Variants in GDA observed in about 807,000 individuals in gnomAD.
GDA encodes the protein cytoplasmic PSD-95 interactor.
Under a neutral mutation model 59.6 loss-of-function variants are expected in GDA, and 18 were observed. The observed-to-expected ratio is 0.30, with a 90% CI of 0.21 to 0.45. The LOEUF is 0.45. GDA is among the 20% of genes least tolerant of loss of function. The pLI, the probability that GDA is intolerant of heterozygous loss-of-function variation, is 1.00. For synonymous variants in GDA, 201 were observed against 201.1 expected (o/e 1.00, Z 0.00); for missense variants, 427 against 552.3 (o/e 0.77, Z 2.27).
intron 1 of GDA, among the ~76,000 whole-genome samples, chr9:72,123,668 G>A (rs1825755022): frequency 6.6e-6 from 1 of 151,552 alleles, no homozygotes; most frequent in African/African-American, 2.4e-5. Context: ...TGTATTTTTA[G>A]TAGAGACAGG....
intron 1 of GDA, among the ~76,000 whole-genome samples, chr9:72,133,306 A>AT (rs1297723689): frequency 1.3e-3 from 189 of 140,546 alleles, no homozygotes; most frequent in Middle Eastern, 3.6e-3. Flanking sequence ...AAAAAAAAAA[A>AT]AAAATAATAA....
At chr9:72,244,625 G>A (rs1267826254) in intron 11 of GDA, among the ~76,000 whole-genome samples, 1 of 152,030 alleles carries the variant, frequency 6.6e-6, no homozygotes, top group Non-Finnish European at 1.5e-5. Flanking sequence ...AATTTCTGAT[G>A]GATATGCCTG....
At chr9:72,188,986 C>G (rs2131179289) in intron 1 of GDA, among the ~76,000 whole-genome samples, 1 of 152,178 alleles carries the variant, frequency 6.6e-6, no homozygotes, top group Non-Finnish European at 1.5e-5. Flanking sequence ...GTCTGTTACT[C>G]TTCTCTTTTT....
chr9:72,224,072 T>A (rs147762944), intron 7 of GDA, among the ~76,000 whole-genome samples: 1 of 152,378 alleles, frequency 6.6e-6, no homozygotes, highest in African/African-American at 2.4e-5. Context: ...CACATTTCTC[T>A]GCTGGAGATA....
At chr9:72,215,566 A>C (rs1836002737) in intron 5 of GDA, among the ~76,000 whole-genome samples, 1 of 152,168 alleles carries the variant, frequency 6.6e-6, no homozygotes, top group African/African-American at 2.4e-5. Context: ...ATGCAGGCAT[A>C]CAGGAGGGAA....
Position 72,250,848 on chromosome 9 carries a change from A to T in GDA, c.*2506A>T, listed in dbSNP as rs1564220014. 1 of 1,607,388 alleles carries T rather than the reference A, an allele frequency of 6.2e-7. No individual in the cohort carries two copies. Among genetic ancestry groups the T allele is most frequent in the African/African-American group, 1.3e-5 (1 of 74,872 alleles). On this transcript the variant is annotated 3_prime_UTR_variant, in exon 14 of 14. Transcript: ENST00000358399. ...ACGGAATACACTTTGAAAGGTAAAA[A>T]CAATTCAAAAGTATCGATTATCATA... is the stretch of plus-strand genomic sequence containing the variant.
chr9:72,159,904 C>T (rs887873076), intron 1 of GDA, among the ~76,000 whole-genome samples: 1 of 152,022 alleles, frequency 6.6e-6, no homozygotes, highest in Non-Finnish European at 1.5e-5. Context: ...GTAAAAAATG[C>T]ATAACTTAAA....
At chr9:72,155,872 T>C (rs1827826879) in intron 1 of GDA, among the ~76,000 whole-genome samples, 1 of 152,226 alleles carries the variant, frequency 6.6e-6, no homozygotes, top group Non-Finnish European at 1.5e-5. Flanking sequence ...TTCCTTACCA[T>C]TTGTATCTCC....
At chr9:72,195,406 A>T (rs1263457719) in intron 1 of GDA, 94 bp from the exon 2 acceptor site, 3 of 357,152 alleles carry the variant, frequency 8.4e-6, no homozygotes, top group Non-Finnish European at 1.5e-5. Flanking sequence ...ACTCAGCTAT[A>T]GTCTCTTTTA....
At chr9:72,171,006 T>G (rs907972626) in intron 1 of GDA, among the ~76,000 whole-genome samples, 4 of 152,044 alleles carry the variant, frequency 2.6e-5, no homozygotes, top group African/African-American at 9.7e-5. Flanking sequence ...TTTTAGTGAC[T>G]GGGTTTTGCC....
chr9:72,124,528 T>C (rs1010937210), intron 1 of GDA, among the ~76,000 whole-genome samples: 6 of 152,130 alleles, frequency 3.9e-5, no homozygotes, highest in Non-Finnish European at 8.8e-5. Flanking sequence ...ACCAATAATA[T>C]GTAGAAAAAA....
chr9:72,178,415 T>A (rs961907085), intron 1 of GDA, among the ~76,000 whole-genome samples: 5 of 121,814 alleles, frequency 4.1e-5, no homozygotes, highest in South Asian at 2.9e-4. Flanking sequence ...GAATCGATAT[T>A]TTTTTTTTTT....
intron 1 of GDA, among the ~76,000 whole-genome samples, chr9:72,133,287 T>TAAAAAA (rs1257876460): frequency 5.2e-5 from 5 of 95,512 alleles, no homozygotes; most frequent in Non-Finnish European, 8.0e-5. Flanking sequence ...AGACTCTGTC[T>TAAAAAA]AAAAAAAAAA....
intron 10 of GDA, among the ~76,000 whole-genome samples, chr9:72,239,568 A>G (rs1839385346): frequency 6.6e-6 from 1 of 152,100 alleles, no homozygotes; most frequent in South Asian, 2.1e-4. Context: ...GTCTTTACAT[A>G]TTTTATACCA....
chr9:72,197,033 A>G (rs924782062), intron 2 of GDA, among the ~76,000 whole-genome samples: 1 of 152,238 alleles, frequency 6.6e-6, no homozygotes, highest in African/African-American at 2.4e-5. Context: ...TAACTTGGGA[A>G]TTGACTTTCA....
intron 1 of GDA, among the ~76,000 whole-genome samples, chr9:72,171,326 T>C (rs539442071): frequency 6.6e-6 from 1 of 152,354 alleles, no homozygotes; most frequent in Admixed American, 6.5e-5. Context: ...GCTTATTCCA[T>C]TTTATGATTC....
At chr9:72,147,615 TA>T (rs1278087146), upstream of GDA, among the ~76,000 whole-genome samples, 1 of 102,336 alleles carries the variant, frequency 9.8e-6, no homozygotes, top group Non-Finnish European at 2.5e-5. Context: ...AACTAGTCTC[TA>T]TTTTTTTTTT....
At chr9:72,175,357 C>T (rs1047743774) in intron 1 of GDA, among the ~76,000 whole-genome samples, 15 of 152,018 alleles carry the variant, frequency 9.9e-5, no homozygotes, top group Admixed American at 1.3e-4. Context: ...TCAGGGGGTA[C>T]GACAGAGATG....
chr9:72,187,589 G>T (rs1448373702), intron 1 of GDA, among the ~76,000 whole-genome samples: 2 of 152,160 alleles, frequency 1.3e-5, no homozygotes, highest in African/African-American at 2.4e-5. Context: ...CCAACACCAG[G>T]GTTGTTGGAA....
Sources: allele counts gnomAD v4.1 joint callset (sites outside exome capture counted in the v4.1 genomes callset), GRCh38; gene constraint gnomAD v4.1.1; transcripts MANE v1.5; gene names NCBI Gene and HGNC (gene_info 2026-07-23, HGNC 2026-07-21).